LHFPL6: variants seen among roughly 807,000 people sequenced by gnomAD.
The protein encoded by LHFPL6 is LHFPL tetraspan subfamily member 6 protein.
In LHFPL6, 9 loss-of-function variants were observed where a neutral mutation model predicts 20.6. The observed-to-expected ratio is 0.44, with a 90% CI of 0.26 to 0.76. The LOEUF (loss-of-function observed/expected upper bound fraction) is 0.76, where lower values mean the gene tolerates loss of function less well. Ranked by LOEUF, LHFPL6 falls within the 30% of genes least tolerant of loss-of-function variation. The pLI is 0.20. For missense variants in LHFPL6, 218 were observed against 253.5 expected, an observed-to-expected ratio of 0.86 and a Z score of 0.95; for synonymous variants, 105 against 98.7, an observed-to-expected ratio of 1.06 and a Z score of -0.38.
chr13:39,429,610 A>G (rs1296204735), intron 2 of LHFPL6, among the ~76,000 whole-genome samples: 1 of 152,166 alleles, frequency 6.6e-6, no homozygotes, highest in Admixed American at 6.5e-5. Flanking sequence ...TGATTTTTCA[A>G]TATCAATATA....
At chr13:39,354,745 C>T (rs563538356) in intron 3 of LHFPL6, among the ~76,000 whole-genome samples, 28 of 152,018 alleles carry the variant, frequency 1.8e-4, no homozygotes, top group African/African-American at 6.3e-4. Context: ...ATTCACTGCA[C>T]GAATTTCGTA....
chr13:39,389,333 A>G lies in LHFPL6; in HGVS notation c.386-10807T>C, dbSNP rs1438760824. On this transcript the variant is annotated intron_variant, in intron 2 of 3. Transcript: ENST00000379589. ...GAGCTTGTGGGTTGAGAAGGGTCCC[A>G]GCGAATGTACCTTCTCATATGGCTG... Among the ~76,000 whole-genome samples, 5 of 152,352 alleles carry G rather than the reference A, an allele frequency of 3.3e-5. No homozygotes were observed. In the East Asian group the frequency reaches 7.7e-4, roughly 24 times the overall value.
At chr13:39,464,960 T>C (rs937712041) in intron 2 of LHFPL6, among the ~76,000 whole-genome samples, 2 of 152,278 alleles carry the variant, frequency 1.3e-5, no homozygotes, top group Admixed American at 6.5e-5. Context: ...AGTACTGTCT[T>C]CTAATAGGGG....
chr13:39,401,343 TGAGA>T (rs1312228714), intron 2 of LHFPL6, among the ~76,000 whole-genome samples: 5 of 152,222 alleles, frequency 3.3e-5, no homozygotes, highest in Admixed American at 1.3e-4. Flanking sequence ...CCTTTAAAAC[TGAGA>T]GTTCACTGTT....
intron 2 of LHFPL6, among the ~76,000 whole-genome samples, chr13:39,523,876 G>A (rs1870200734): frequency 1.3e-5 from 2 of 152,120 alleles, no homozygotes; most frequent in East Asian, 1.9e-4. Context: ...TTGCATAGAC[G>A]TTAAGAGCTA....
At chr13:39,363,779 C>T (rs532346622) in intron 3 of LHFPL6, among the ~76,000 whole-genome samples, 4 of 152,132 alleles carry the variant, frequency 2.6e-5, no homozygotes, top group Non-Finnish European at 2.9e-5. Context: ...GGTACTTGCA[C>T]CACATAATTA....
At chr13:39,487,032 T>C (rs1425143542) in intron 2 of LHFPL6, among the ~76,000 whole-genome samples, 1 of 152,186 alleles carries the variant, frequency 6.6e-6, no homozygotes, top group Non-Finnish European at 1.5e-5. Flanking sequence ...AATTTACCCT[T>C]TCTATCCAAA....
intron 2 of LHFPL6, among the ~76,000 whole-genome samples, chr13:39,395,600 G>A (rs1030016099): frequency 3.9e-5 from 6 of 152,198 alleles, no homozygotes; most frequent in Non-Finnish European, 5.9e-5. Context: ...GGGAGGTGCC[G>A]TGGACCTCAG....
chr13:39,600,966 A>C lies in LHFPL6; in HGVS notation c.251T>G (p.Ile84Ser), dbSNP rs1422784914. The C allele has an allele frequency of 1.2e-6, 2 of 1,612,986 alleles. No homozygotes were observed. Among genetic ancestry groups the C allele is most frequent in the East Asian group, 2.2e-5 (1 of 44,860 alleles). ...FQGIPSAEWR[I>S]CTIVTGLGCG... ...ACCCAGGCCGGTCACTATGGTGCAGATCCTCCATTCTGCGCTGGGGATGCC... is the reference window on the plus strand; with the variant it reads ...ACCCAGGCCGGTCACTATGGTGCAGCTCCTCCATTCTGCGCTGGGGATGCC... The change falls in exon 2 of 4, where the codon ATC (isoleucine) becomes AGC (serine). Residue 84 changes from isoleucine to serine, a missense_variant. By Grantham distance (142) the Ile-to-Ser change is moderately radical. Transcript: ENST00000379589.
intron 2 of LHFPL6, among the ~76,000 whole-genome samples, chr13:39,462,526 A>G (rs1872711481): frequency 6.6e-6 from 1 of 152,178 alleles, no homozygotes; most frequent in South Asian, 2.1e-4. Flanking sequence ...CTGTTATCCT[A>G]TCCCTATAAA....
At position 39,343,602 on chromosome 13, in the gene LHFPL6, G is replaced by GC. The variant is rs1869306492; in HGVS notation, c.*333_*334insG. The GC allele has an allele frequency of 8.5e-5, 15 of 176,680 alleles. No individual in the cohort carries two copies. Among genetic ancestry groups the GC allele is most frequent in the Admixed American group, 6.0e-4 (6 of 10,000 alleles). The allele number at this position is 176,680 out of a possible 1,614,324, so 10.9% of individuals were successfully genotyped here. On this transcript the variant is annotated 3_prime_UTR_variant, in exon 4 of 4. Transcript: ENST00000379589. The stretch of plus-strand genomic sequence containing the variant: ...AACCCTTGTTTGTATATGTAGATTT[G>GC]TTGTGTGTGTGTGTGTGTGTGTGTG...
At chr13:39,440,877 C>T (rs904640684) in intron 2 of LHFPL6, among the ~76,000 whole-genome samples, 6 of 152,138 alleles carry the variant, frequency 3.9e-5, no homozygotes, top group Admixed American at 3.9e-4. Context: ...GAATGAGTCT[C>T]ACGAGGTCTG....
intron 2 of LHFPL6, among the ~76,000 whole-genome samples, chr13:39,494,606 T>A (rs928075014): frequency 1.3e-5 from 2 of 152,188 alleles, no homozygotes; most frequent in African/African-American, 4.8e-5. Flanking sequence ...GCAAACAGTT[T>A]CTAGCTAATG....
chr13:39,491,027 A>G (rs1321985570), intron 2 of LHFPL6, among the ~76,000 whole-genome samples: 1 of 152,206 alleles, frequency 6.6e-6, no homozygotes, highest in East Asian at 1.9e-4. Flanking sequence ...AAATAAAGAT[A>G]GTGACTGCAA....
At chr13:39,511,604 A>C (rs756775944) in intron 2 of LHFPL6, among the ~76,000 whole-genome samples, 2 of 152,230 alleles carry the variant, frequency 1.3e-5, no homozygotes, top group Non-Finnish European at 2.9e-5. Context: ...TTTATGAACA[A>C]AGAATATTCT....
chr13:39,438,830 G>A (rs1429767629), intron 2 of LHFPL6, among the ~76,000 whole-genome samples: 1 of 152,216 alleles, frequency 6.6e-6, no homozygotes, highest in Non-Finnish European at 1.5e-5. Context: ...CAAGAGTTGA[G>A]GTTTGGGGGC....
chr13:39,522,118 C>T lies in LHFPL6; in HGVS notation c.385+78714G>A, dbSNP rs750389578. ...CCAACTTTTGTCACATCACTTTCCT[C>T]TCCCAAAGACAAAAATCTATCTTCT... On this transcript the variant is annotated intron_variant, in intron 2 of 3. Coordinates refer to ENST00000379589, the MANE Select transcript of LHFPL6 (RefSeq NM_005780.3). 6.4e-4 allele frequency among the ~76,000 whole-genome samples: 97 copies of T among 152,280 alleles called. 2 individuals carry two copies. Among genetic ancestry groups the T allele is most frequent in the Non-Finnish European group, 9.6e-4 (65 of 68,024 alleles).
chr13:39,568,046 G>A (rs921431255), intron 2 of LHFPL6, among the ~76,000 whole-genome samples: 2 of 152,152 alleles, frequency 1.3e-5, no homozygotes, highest in African/African-American at 4.8e-5. Flanking sequence ...TAGAACAAGT[G>A]GTCTTAGTTA....
chr13:39,486,790 T>C (rs9576817), intron 2 of LHFPL6, among the ~76,000 whole-genome samples: 33,733 of 152,186 alleles, frequency 0.22, 5,790 homozygotes, highest in East Asian at 0.72. Context: ...AACAGTGTAG[T>C]TCCTTGCTGG....
Sources: gnomAD v4.1 joint callset for allele counts (sites outside exome capture counted in the v4.1 genomes callset) on GRCh38, gnomAD v4.1.1 for gene constraint, MANE v1.5 for transcripts, NCBI Gene and HGNC (gene_info 2026-07-23, HGNC 2026-07-21) for gene names.